AQP5: variants seen among roughly 807,000 people sequenced by gnomAD.
The protein encoded by AQP5 is aquaporin-5.
In AQP5, 15 loss-of-function variants were observed where a neutral mutation model predicts 19.1. The ratio of observed to expected loss-of-function variants is 0.79; its 90% CI spans 0.53 to 1.21. The LOEUF is 1.21. Ranked by LOEUF, AQP5 falls within the 50% of genes most tolerant of loss-of-function variation. The pLI, the probability that AQP5 is intolerant of heterozygous loss-of-function variation, is 0.00. For synonymous variants in AQP5, 182 were observed against 160.3 expected (o/e 1.14, Z -1.02); for missense variants, 355 against 357.1 (o/e 0.99, Z 0.05).
chr12:49,962,000 CG>C lies in AQP5; in HGVS notation c.-15del. The C allele has an allele frequency of 3.7e-6, 5 of 1,359,814 alleles. No individual in the cohort carries two copies. Among genetic ancestry groups the C allele is most frequent in the Non-Finnish European group, 4.8e-6 (5 of 1,050,004 alleles). 84.2% of individuals were successfully genotyped at this position (1,359,814 alleles called of 1,614,324 possible). On this transcript the variant is annotated 5_prime_UTR_variant, in exon 1 of 4. Coordinates refer to ENST00000293599, the MANE Select transcript of AQP5 (RefSeq NM_001651.4). ...CGCCCCCCGCCGCGGCAGCTGCCGC[CG>C]GGCCCCCGCGGCCACCATGAAGAAG...
chr12:49,962,074 G>A lies in AQP5; in HGVS notation c.57G>A (p.Leu19=). Residue 19 remains leucine (L), a synonymous_variant, in exon 1 of 4, where the codon TTG becomes TTA. Transcript: ENST00000293599. ...TCAAGGCCGTGTTCGCAGAGTTCTT[G>A]GCCACCCTCATCTTCGTCTTCTTTG... ...AFLKAVFAEF[L]ATLIFVFFGL... 1 of 1,612,426 alleles carries A rather than the reference G, an allele frequency of 6.2e-7. No homozygotes were observed. The highest frequency in any genetic ancestry group is 8.5e-7 in the Non-Finnish European group (1 of 1,178,904).
chr12:49,964,069 T>A, intron 2 of AQP5, 23 bp from the exon 3 acceptor site: 1 of 1,604,184 alleles, frequency 6.2e-7, no homozygotes. Flanking sequence ...TGCCTTTCTC[T>A]CCACCGCCCT....
Position 49,963,520 on chromosome 12 carries a change from C to T in AQP5, c.392C>T (p.Ala131Val), listed in dbSNP as rs1947452417. Reference protein sequence around the residue: ...ALNNNTTQGQAMVVELILTFQ... With the variant: ...ALNNNTTQGQVMVVELILTFQ... The stretch of plus-strand genomic sequence containing the variant: ...AACAACAACACAACGCAGGGCCAGG[C>T]CATGGTGGTGGAGCTGATTCTGACC... The change falls in exon 2 of 4, where the codon GCC (alanine) becomes GTC (valine). Residue 131 changes from alanine to valine, a missense_variant. Physicochemically the swap from Ala to Val is moderately conservative, Grantham distance 64 (BLOSUM62 0). Transcript: ENST00000293599. The T allele has an allele frequency of 6.2e-7, 1 of 1,613,932 alleles. No homozygotes were observed. The highest frequency in any genetic ancestry group is 2.2e-5 in the East Asian group (1 of 44,878).
chr12:49,964,122 G>T lies in AQP5; in HGVS notation c.559G>T (p.Ala187Ser). Residue 187 changes from alanine to serine, a missense_variant, in exon 3 of 4, where the codon GCC becomes TCC. Physicochemically the swap from Ala to Ser is moderately conservative, Grantham distance 99. Coordinates refer to ENST00000293599, the MANE Select transcript of AQP5 (RefSeq NM_001651.4). ...IYFTGCSMNP[A>S]RSFGPAVVMN... ...CTTCACTGGCTGCTCCATGAACCCA[G>T]CCCGCTCTTTTGGCCCTGCGGTGGT... is the stretch of plus-strand genomic sequence containing the variant. 5.6e-6 allele frequency: 9 copies of T among 1,614,186 alleles called. No homozygotes were observed. Among genetic ancestry groups the T allele is most frequent in the Non-Finnish European group, 7.6e-6 (9 of 1,180,038 alleles).
At position 49,963,493 on chromosome 12, in the gene AQP5, T is replaced by TCAA. The variant is rs767088000; in HGVS notation, c.374_376dup (p.Asn125dup). 6.2e-7 allele frequency: 1 copy of TCAA among 1,613,676 alleles called. No homozygotes were observed. The highest frequency in any genetic ancestry group is 8.5e-7 in the Non-Finnish European group (1 of 1,179,940). On this transcript the variant is annotated inframe_insertion and splice_region_variant, in exon 2 of 4. Transcript: ENST00000293599. Reference sequence around the variant, plus strand: ...TCCTAACCCGCTATCCCCTTGCAGCTCAACAACAACACAACGCAGGGCCAG... The same window carrying TCAA: ...TCCTAACCCGCTATCCCCTTGCAGCTCAACAACAACAACACAACGCAGGGCCAG...
chr12:49,962,408 C>A (rs1035331240), intron 1 of AQP5, 28 bp downstream of exon 1: 2 of 1,448,966 alleles, frequency 1.4e-6, no homozygotes, highest in African/African-American at 1.5e-5. Context: ...GGGGTGGGAG[C>A]CTCGACCCTG....
rs1189429849 is a variant in AQP5, at chr12:49,962,330, C to T, written c.313C>T (p.Leu105Phe). The change falls in exon 1 of 4, where the codon CTC becomes TTC. Residue 105 changes from leucine (L) to phenylalanine (F), a missense_variant. Leu to Phe is a conservative substitution (Grantham distance 22). Transcript: ENST00000293599. ...LVGAIAGAGILYGVAPLNARG... is the reference protein window; with the variant it reads ...LVGAIAGAGIFYGVAPLNARG... ...GGGCGCCATTGCCGGGGCTGGCATC[C>T]TCTACGGTGTGGCACCGCTCAATGC... 2.5e-6 allele frequency: 4 copies of T among 1,606,184 alleles called. No homozygotes were observed. The highest frequency in any genetic ancestry group is 1.1e-5 in the South Asian group (1 of 90,936).
In AQP5 at chr12:49,965,118, G is replaced by A. The variant is rs150715551; in HGVS notation, c.739G>A (p.Glu247Lys). ...CATCAAAGGCACGTATGAGCCTGAC[G>A]AGGACTGGGAGGAGCAGCGGGAAGA... is the stretch of plus-strand genomic sequence containing the variant. ...AIIKGTYEPD[E>K]DWEEQREERK... Residue 247 changes from glutamate (E) to lysine (K), a missense_variant, in exon 4 of 4, where the codon GAG becomes AAG. Coordinates refer to ENST00000293599, the MANE Select transcript of AQP5 (RefSeq NM_001651.4). 1,425 of 1,613,978 alleles carry A rather than the reference G, an allele frequency of 8.8e-4. 7 individuals carry two copies. The African/African-American group carries it at 0.015, about 17-fold the overall frequency.
In AQP5 at chr12:49,962,336, G is replaced by A. The variant is rs763760977; in HGVS notation, c.319G>A (p.Gly107Ser). ...GAIAGAGILY[G>S]VAPLNARGNL... ...CATTGCCGGGGCTGGCATCCTCTAC[G>A]GTGTGGCACCGCTCAATGCCCGGGG... The change falls in exon 1 of 4, where the codon GGT becomes AGT. Residue 107 changes from glycine (G) to serine (S), a missense_variant. Transcript: ENST00000293599. 3.1e-6 allele frequency: 5 copies of A among 1,605,634 alleles called. No homozygotes were observed. The East Asian group carries it at 8.9e-5, about 29-fold the overall frequency.
rs1299016990 is a variant in AQP5 at position 49,965,368 on chromosome 12, C to T, written c.*191C>T. On this transcript the variant is annotated 3_prime_UTR_variant, in exon 4 of 4. Coordinates refer to ENST00000293599, the MANE Select transcript of AQP5 (RefSeq NM_001651.4). ...GGACTCCTGGGGTAGGGGCCAGGGGCTGGGGTCTGCTGGGGACAGGTCTCT... is the reference window on the plus strand; with the variant it reads ...GGACTCCTGGGGTAGGGGCCAGGGGTTGGGGTCTGCTGGGGACAGGTCTCT... 6.5e-6 allele frequency: 4 copies of T among 610,798 alleles called. No individual in the cohort carries two copies. Among genetic ancestry groups the T allele is most frequent in the Non-Finnish European group, 1.1e-5 (4 of 362,820 alleles). 37.8% of individuals were successfully genotyped at this position (610,798 alleles called of 1,614,324 possible). A position where few individuals can be genotyped will look rare whatever the true frequency, so the allele number is the denominator to read the frequency against.
intron 1 of AQP5, 115 bp downstream of exon 1, chr12:49,962,495 A>ACCAGGAAGGCAAGAGCATCCCAAGG (rs1947439176): frequency 9.9e-7 from 1 of 1,014,538 alleles, no homozygotes. Flanking sequence ...CACACCCTTC[A>ACCAGGAAGGCAAGAGCATCCCAAGG]CCAGGAAGGC....
chr12:49,962,495 A>ACCAGGAAGGCAAGAGCCTTCCAAGG (rs1947439327), intron 1 of AQP5, 115 bp downstream of exon 1: 2 of 1,014,540 alleles, frequency 2.0e-6, no homozygotes, highest in Non-Finnish European at 1.3e-6. Flanking sequence ...CACACCCTTC[A>ACCAGGAAGGCAAGAGCCTTCCAAGG]CCAGGAAGGC....
chr12:49,964,818 G>A, intron 3 of AQP5, 174 bp from the exon 4 acceptor site: 1 of 985,350 alleles, frequency 1.0e-6, no homozygotes, highest in South Asian at 4.7e-5. Context: ...CCCTGGGAGT[G>A]GTGTGTCAGT....
Position 49,964,084 on chromosome 12 carries a change from C to G in AQP5, c.529-8C>G. 6.2e-7 allele frequency: 1 copy of G among 1,612,982 alleles called. No individual in the cohort carries two copies. The highest frequency in any genetic ancestry group is 8.5e-7 in the Non-Finnish European group (1 of 1,178,876). Reference sequence around the variant, plus strand: ...TGCCTTTCTCTCCACCGCCCTGTCTCTATCCAGATCTACTTCACTGGCTGC... The same window carrying G: ...TGCCTTTCTCTCCACCGCCCTGTCTGTATCCAGATCTACTTCACTGGCTGC... On this transcript the variant is annotated splice_region_variant and splice_polypyrimidine_tract_variant and intron_variant, in intron 2 of 3. Transcript: ENST00000293599.
chr12:49,965,340 A>T lies in AQP5; in HGVS notation c.*163A>T. On this transcript the variant is annotated 3_prime_UTR_variant, in exon 4 of 4. Transcript: ENST00000293599. ...TTAGAGAGGGGAGAAGGAACCCATG[A>T]TGGGACTCCTGGGGTAGGGGCCAGG... 1 of 833,708 alleles carries T rather than the reference A, an allele frequency of 1.2e-6. No individual in the cohort carries two copies. Among genetic ancestry groups the T allele is most frequent in the Non-Finnish European group, 1.8e-6 (1 of 561,502 alleles). 51.6% of individuals were successfully genotyped at this position (833,708 alleles called of 1,614,324 possible).
chr12:49,964,053 G>A, intron 2 of AQP5, 39 bp from the exon 3 acceptor site: 2 of 1,566,822 alleles, frequency 1.3e-6, no homozygotes, highest in Non-Finnish European at 8.8e-7. Context: ...GAGTGGACCA[G>A]GATGTTGCCT....
chr12:49,963,673 TTGGGCTGGGG>T lies in AQP5; in HGVS notation c.528+20_528+29del. On this transcript the variant is annotated intron_variant, in intron 2 of 3. Transcript: ENST00000293599. ...CTTGTCGGAGTGAGCAGTACCGACA[TTGGGCTGGGG>T]TGAGGGTGGGGCAGGCACTCAAGGC... 1 of 1,609,406 alleles carries T rather than the reference TTGGGCTGGGG, an allele frequency of 6.2e-7. No individual in the cohort carries two copies. The highest frequency in any genetic ancestry group is 1.1e-5 in the South Asian group (1 of 90,958).
rs1947478692 is a variant in AQP5 at position 49,965,355 on chromosome 12, T to C, written c.*178T>C. 2 of 737,866 alleles carry C rather than the reference T, an allele frequency of 2.7e-6. No homozygotes were observed. The highest frequency in any genetic ancestry group is 2.8e-5 in the East Asian group (1 of 35,140). The allele number at this position is 737,866 out of a possible 1,614,324, so 45.7% of individuals were successfully genotyped here. ...GGAACCCATGATGGGACTCCTGGGG[T>C]AGGGGCCAGGGGCTGGGGTCTGCTG... On this transcript the variant is annotated 3_prime_UTR_variant, in exon 4 of 4. Coordinates refer to ENST00000293599, the MANE Select transcript of AQP5 (RefSeq NM_001651.4).
In AQP5 at chr12:49,962,399, G is replaced by GT. The variant is rs773870635; in HGVS notation, c.363+19_363+20insT. 1 of 1,331,538 alleles carries GT rather than the reference G, an allele frequency of 7.5e-7. No individual in the cohort carries two copies. Among genetic ancestry groups the GT allele is most frequent in the East Asian group, 2.4e-5 (1 of 42,220 alleles). The allele number at this position is 1,331,538 out of a possible 1,614,324, so 82.5% of individuals were successfully genotyped here. ...CAACGCGGTGAGTGCCCTGGGGGGG[G>GT]GGTGGGAGCCTCGACCCTGGGGTGG... On this transcript the variant is annotated intron_variant, in intron 1 of 3. Transcript: ENST00000293599.
Sources: allele counts gnomAD v4.1 joint callset, GRCh38; gene constraint gnomAD v4.1.1; transcripts MANE v1.5; gene names NCBI Gene and HGNC (gene_info 2026-07-23, HGNC 2026-07-21).